Variants in LIPC observed in about 807,000 individuals in gnomAD.
The protein encoded by LIPC is lipase C, hepatic type, also known as hepatic triacylglycerol lipase.
Under a neutral mutation model 50.7 loss-of-function variants are expected in LIPC, and 44 were observed. The observed-to-expected ratio is 0.87, with a 90% CI of 0.68 to 1.11. The LOEUF is 1.11. Among genes scored for constraint, LIPC ranks in the 50% most tolerant of loss-of-function variants. The probability of loss-of-function intolerance (pLI) is 0.00; values close to 1 mark genes in which losing one functional copy is unlikely to be tolerated. For synonymous variants in LIPC, 271 were observed against 256.4 expected, an observed-to-expected ratio of 1.06 and a Z score of -0.54; for missense variants, 697 against 648.2, an observed-to-expected ratio of 1.08 and a Z score of -0.82.
intron 6 of LIPC, among the ~76,000 whole-genome samples, chr15:58,550,684 A>G (rs11632627): frequency 0.29 from 43,721 of 151,774 alleles, 6,778 homozygotes; most frequent in African/African-American, 0.39. Context: ...CCGACTACTT[A>G]TCTTGCTCCT....
chr15:58,490,672 A>C (rs1323271743), intron 1 of LIPC, among the ~76,000 whole-genome samples: 1 of 152,182 alleles, frequency 6.6e-6, no homozygotes, highest in Non-Finnish European at 1.5e-5. Flanking sequence ...CAACAATGAA[A>C]TATGGAGAAA....
At chr15:58,547,670 A>G (rs1406270601) in intron 5 of LIPC, among the ~76,000 whole-genome samples, 1 of 95,012 alleles carries the variant, frequency 1.1e-5, no homozygotes, top group Non-Finnish European at 2.5e-5. Context: ...TAGTAGATCA[A>G]CCTCATAAGC....
At chr15:58,449,008 G>T (rs1893804709) in intron 1 of LIPC, among the ~76,000 whole-genome samples, 1 of 152,142 alleles carries the variant, frequency 6.6e-6, no homozygotes, top group African/African-American at 2.4e-5. Context: ...AAGCAGGAGA[G>T]ACTTTGGAAG....
At chr15:58,555,016 G>T (rs1893886331) in intron 6 of LIPC, among the ~76,000 whole-genome samples, 2 of 152,074 alleles carry the variant, frequency 1.3e-5, no homozygotes, top group Admixed American at 6.5e-5. Flanking sequence ...CACACACCTT[G>T]GCACGTTCCA....
At chr15:58,527,783 AAATGAATTAATG>A (rs1288627515) in intron 1 of LIPC, among the ~76,000 whole-genome samples, 38 of 151,648 alleles carry the variant, frequency 2.5e-4, no homozygotes, top group Middle Eastern at 3.4e-3. Flanking sequence ...TTGAATGAAT[AAATGAATTAATG>A]AATGAATGAA....
intron 1 of LIPC, among the ~76,000 whole-genome samples, chr15:58,510,271 G>A (rs1214868407): frequency 6.6e-6 from 1 of 152,202 alleles, no homozygotes; most frequent in Non-Finnish European, 1.5e-5. Flanking sequence ...TTACAATGCT[G>A]TGGGCTAGGG....
intron 4 of LIPC, among the ~76,000 whole-genome samples, chr15:58,545,073 C>T (rs2140920020): frequency 6.6e-6 from 1 of 152,192 alleles, no homozygotes. Context: ...AAATTATTGA[C>T]AACATACAGG....
chr15:58,525,051 G>A (rs1892761655), intron 1 of LIPC, among the ~76,000 whole-genome samples: 2 of 152,040 alleles, frequency 1.3e-5, no homozygotes, highest in South Asian at 4.1e-4. Flanking sequence ...TATGATTCCT[G>A]TTATTTCATT....
In LIPC at chr15:58,541,859, C is replaced by G. The variant is rs368306971; in HGVS notation, c.348C>G (p.Asn116Lys). ...AGTCTCAGCCGGCCCAGCCAGTGAA[C>G]GTGGGGCTGGTGGACTGGATCACCC... The part of the protein sequence containing the change: ...ALKSQPAQPV[N>K]VGLVDWITLA... The change falls in exon 3 of 9, where the codon AAC (asparagine) becomes AAG (lysine). Residue 116 changes from asparagine to lysine, a missense_variant. Transcript: ENST00000299022. 1 of 1,612,958 alleles carries G rather than the reference C, an allele frequency of 6.2e-7. No homozygotes were observed. Among genetic ancestry groups the G allele is most frequent in the African/African-American group, 1.3e-5 (1 of 74,918 alleles).
intron 1 of LIPC, among the ~76,000 whole-genome samples, chr15:58,484,272 T>C (rs1891290206): frequency 6.6e-6 from 1 of 152,194 alleles, no homozygotes; most frequent in Non-Finnish European, 1.5e-5. Flanking sequence ...TTGGTGATAA[T>C]CCACTGTGTG....
chr15:58,565,927 A>T (rs1413406579), intron 8 of LIPC: 2 of 985,082 alleles, frequency 2.0e-6, no homozygotes, highest in African/African-American at 1.7e-5. Context: ...AAAAAAAAAA[A>T]AAATCTGAGT....
Position 58,563,518 on chromosome 15 carries a change from G to A in LIPC, c.1183G>A (p.Ala395Thr), listed in dbSNP as rs758941894. 1.1e-5 allele frequency: 18 copies of A among 1,613,664 alleles called. No homozygotes were observed. In the East Asian group the frequency reaches 2.5e-4, roughly 22 times the overall value. The change falls in exon 8 of 9, where the codon GCT (alanine) becomes ACT (threonine). Residue 395 changes from alanine (A) to threonine (T), a missense_variant. Ala to Thr is a moderately conservative substitution (Grantham distance 58, BLOSUM62 0). Transcript: ENST00000299022. Reference protein sequence around the residue: ...KIPITLGKGIASNKTYSFLIT... With the variant: ...KIPITLGKGITSNKTYSFLIT... Reference sequence around the variant, plus strand: ...TGTGTATTCAAGGGGCAAAGGAATTGCTAGTAATAAAACGTATTCCTTTCT... The same window carrying A: ...TGTGTATTCAAGGGGCAAAGGAATTACTAGTAATAAAACGTATTCCTTTCT...
intron 1 of LIPC, among the ~76,000 whole-genome samples, chr15:58,434,407 G>A (rs1439074962): frequency 2.0e-5 from 3 of 152,264 alleles, no homozygotes; most frequent in Non-Finnish European, 2.9e-5. Context: ...GGCACTCCAC[G>A]GACATTTTAT....
At chr15:58,542,108 G>A in intron 3 of LIPC, 141 bp downstream of exon 3, 1 of 1,029,338 alleles carries the variant, frequency 9.7e-7, no homozygotes, top group Non-Finnish European at 1.5e-6. Context: ...GAAGGCACAG[G>A]ACTGACACCA....
At chr15:58,436,443 A>C (rs1893299922) in intron 1 of LIPC, 1 of 244,732 alleles carries the variant, frequency 4.1e-6, no homozygotes, top group Non-Finnish European at 8.2e-6. Flanking sequence ...ACTCATACGA[A>C]AAATATTTTT....
At chr15:58,489,092 C>T (rs1160678176) in intron 1 of LIPC, among the ~76,000 whole-genome samples, 1 of 151,808 alleles carries the variant, frequency 6.6e-6, no homozygotes, top group African/African-American at 2.4e-5. Flanking sequence ...ACTGAGCTGA[C>T]CTTACAGATA....
chr15:58,513,681 A>G (rs527569014), intron 1 of LIPC, among the ~76,000 whole-genome samples: 18 of 152,298 alleles, frequency 1.2e-4, no homozygotes, highest in African/African-American at 4.3e-4. Flanking sequence ...TCCCTCAAAT[A>G]AAAGGATAAG....
At chr15:58,557,433 G>A (rs1893995077) in intron 6 of LIPC, among the ~76,000 whole-genome samples, 1 of 119,764 alleles carries the variant, frequency 8.3e-6, no homozygotes, top group Admixed American at 1.2e-4. Flanking sequence ...CACCCAGGCT[G>A]GAGCGCAGTG....
At chr15:58,497,025 G>A (rs957480671) in intron 1 of LIPC, among the ~76,000 whole-genome samples, 3 of 152,254 alleles carry the variant, frequency 2.0e-5, no homozygotes, top group South Asian at 2.1e-4. Flanking sequence ...GATGAAGTCC[G>A]TGAGGTACAA....
Sources: allele counts gnomAD v4.1 joint callset (sites outside exome capture counted in the v4.1 genomes callset), GRCh38; gene constraint gnomAD v4.1.1; transcripts MANE v1.5; gene names NCBI Gene and HGNC (gene_info 2026-07-23, HGNC 2026-07-21).